The following GMDS variants were observed in gnomAD, a reference collection of about 807,000 sequenced individuals.
GMDS encodes GDP-mannose 4,6-dehydratase, also known as GDP-mannose 4,6 dehydratase.
Under a neutral mutation model 49.9 loss-of-function variants are expected in GMDS, and 20 were observed. The ratio of observed to expected loss-of-function variants is 0.40; its 90% confidence interval spans 0.28 to 0.58. The LOEUF is 0.58. Ranked by LOEUF, GMDS falls within the 20% of genes least tolerant of loss-of-function variation. The pLI, the probability that GMDS is intolerant of heterozygous loss-of-function variation, is 0.42. For missense variants in GMDS, 362 were observed against 481.4 expected, an observed-to-expected ratio of 0.75 and a Z score of 2.32; for synonymous variants, 177 against 178.6, an observed-to-expected ratio of 0.99 and a Z score of 0.07.
At chr6:1,923,103 C>T (rs929644299) in intron 7 of GMDS, among the ~76,000 whole-genome samples, 1 of 152,204 alleles carries the variant, frequency 6.6e-6, no homozygotes, top group Non-Finnish European at 1.5e-5. Flanking sequence ...ACTGTGAGGC[C>T]TCCCCAGCCA....
At chr6:2,240,522 T>C (rs951819804) in intron 1 of GMDS, among the ~76,000 whole-genome samples, 1 of 151,024 alleles carries the variant, frequency 6.6e-6, no homozygotes, top group Non-Finnish European at 1.5e-5. Context: ...GAGAATCATT[T>C]GAACCTGGAA....
chr6:1,738,182 C>T (rs1273524919), intron 8 of GMDS, among the ~76,000 whole-genome samples: 1 of 151,360 alleles, frequency 6.6e-6, no homozygotes, highest in Non-Finnish European at 1.5e-5. Flanking sequence ...TACACACACA[C>T]ATATACACAC....
At chr6:1,637,928 A>G (rs923383103) in intron 9 of GMDS, among the ~76,000 whole-genome samples, 1 of 152,176 alleles carries the variant, frequency 6.6e-6, no homozygotes, top group Admixed American at 6.5e-5. Context: ...ACCCAGGCTT[A>G]TCTGACTCCA....
chr6:1,701,324 T>G (rs1349000061), intron 9 of GMDS, among the ~76,000 whole-genome samples: 1 of 152,236 alleles, frequency 6.6e-6, no homozygotes, highest in African/African-American at 2.4e-5. Context: ...TGTGTCATTA[T>G]GTATACATAA....
intron 4 of GMDS, among the ~76,000 whole-genome samples, chr6:1,968,797 G>C (rs965947819): frequency 6.6e-6 from 1 of 152,118 alleles, no homozygotes; most frequent in African/African-American, 2.4e-5. Flanking sequence ...GAACGCAAAA[G>C]CTGGGGTAAA....
At position 1,836,399 on chromosome 6, in the gene GMDS, C is replaced by T. The variant is rs1327222208; in HGVS notation, c.771+93704G>A. Among the ~76,000 whole-genome samples, 2 of 152,168 alleles carry T rather than the reference C, an allele frequency of 1.3e-5. No homozygotes were observed. Among genetic ancestry groups the T allele is most frequent in the Non-Finnish European group, 2.9e-5 (2 of 68,034 alleles). On this transcript the variant is annotated intron_variant, in intron 7 of 10. Transcript: ENST00000380815. This position sits in a 1 kb window ranked among gnomAD's most constrained non-coding sequence, Gnocchi z 4.2. ...CAACTAAGCAACTGCTACGCTATTT[C>T]ACTAAACTGAAAAAGGCATTTGTGT... is the stretch of plus-strand genomic sequence containing the variant.
chr6:1,999,102 T>A (rs1403308636), intron 4 of GMDS, among the ~76,000 whole-genome samples: 1 of 151,992 alleles, frequency 6.6e-6, no homozygotes, highest in Non-Finnish European at 1.5e-5. Flanking sequence ...GGCGGCCATA[T>A]CATGAGGTCA....
intron 7 of GMDS, among the ~76,000 whole-genome samples, chr6:1,922,355 AT>A (rs1205534457): frequency 6.6e-6 from 1 of 152,174 alleles, no homozygotes; most frequent in African/African-American, 2.4e-5. Flanking sequence ...ACTTTAGACA[AT>A]GGAAACACAA....
intron 9 of GMDS, among the ~76,000 whole-genome samples, chr6:1,630,924 A>G (rs1762981466): frequency 6.6e-6 from 1 of 152,130 alleles, no homozygotes. Context: ...CCATTTAATG[A>G]AAAGGAGATA....
At chr6:1,664,100 G>A (rs1364538676) in intron 9 of GMDS, among the ~76,000 whole-genome samples, 1 of 152,100 alleles carries the variant, frequency 6.6e-6, no homozygotes, top group East Asian at 1.9e-4. Context: ...GCTAAAAGTT[G>A]CTTATAAAAA....
chr6:1,983,463 T>G (rs7752080), intron 4 of GMDS, among the ~76,000 whole-genome samples: 3 of 151,674 alleles, frequency 2.0e-5, no homozygotes, highest in Admixed American at 6.6e-5. Flanking sequence ...TGGAAAAAAA[T>G]TTTTCCAATC....
intron 4 of GMDS, among the ~76,000 whole-genome samples, chr6:1,969,982 A>G (rs1263428201): frequency 2.6e-5 from 4 of 152,218 alleles, no homozygotes; most frequent in Admixed American, 6.5e-5. Flanking sequence ...TTCAGTCTGA[A>G]GTTTAGGCAT....
intron 1 of GMDS, among the ~76,000 whole-genome samples, chr6:2,179,491 G>C (rs922962272): frequency 6.6e-5 from 10 of 152,100 alleles, no homozygotes; most frequent in African/African-American, 2.4e-4. Flanking sequence ...TTATAAAAGA[G>C]GCTTCAGAGA....
At chr6:2,182,892 G>C (rs922065304) in intron 1 of GMDS, among the ~76,000 whole-genome samples, 1 of 152,076 alleles carries the variant, frequency 6.6e-6, no homozygotes, top group Non-Finnish European at 1.5e-5. Flanking sequence ...TTTTTTTGTA[G>C]AGACAGGGTT....
intron 1 of GMDS, among the ~76,000 whole-genome samples, chr6:2,211,693 G>GA (rs934455321): frequency 2.5e-4 from 38 of 152,080 alleles, no homozygotes; most frequent in African/African-American, 9.2e-4. Flanking sequence ...CGTAAGGCAG[G>GA]AAAAAATACG....
At chr6:1,664,639 A>G (rs532435676) in intron 9 of GMDS, among the ~76,000 whole-genome samples, 1 of 152,232 alleles carries the variant, frequency 6.6e-6, no homozygotes, top group East Asian at 1.9e-4. Context: ...TTACTGTGTC[A>G]CTCTGTCACA....
At chr6:1,889,862 T>G (rs1334771821) in intron 7 of GMDS, among the ~76,000 whole-genome samples, 1 of 152,222 alleles carries the variant, frequency 6.6e-6, no homozygotes, top group Non-Finnish European at 1.5e-5. Context: ...TGGAATCATA[T>G]AATATGTTGC....
intron 4 of GMDS, among the ~76,000 whole-genome samples, chr6:2,030,744 C>T (rs377359798): frequency 5.9e-5 from 9 of 152,104 alleles, no homozygotes; most frequent in East Asian, 5.8e-4. Context: ...AGGCCGTGTG[C>T]GCTAGATAAA....
chr6:1,695,527 A>T (rs1364576235), intron 9 of GMDS, among the ~76,000 whole-genome samples: 1 of 152,208 alleles, frequency 6.6e-6, no homozygotes, highest in Non-Finnish European at 1.5e-5. Context: ...GATTTTCTGT[A>T]TGTTATATTG....
Sources: allele counts gnomAD v4.1 joint callset (sites outside exome capture counted in the v4.1 genomes callset), GRCh38; gene constraint gnomAD v4.1.1; non-coding constraint Gnocchi (gnomAD v3.1); transcripts MANE v1.5; gene names NCBI Gene and HGNC (gene_info 2026-07-23, HGNC 2026-07-21).